The following NYAP2 variants were observed in gnomAD, a reference collection of about 807,000 sequenced individuals.
NYAP2 encodes the protein neuronal tyrosine-phosphorylated phosphoinositide-3-kinase adaptor 2, also known as neuronal tyrosine-phosphorylated phosphoinositide-3-kinase adapter 2.
Under a neutral mutation model 50.4 loss-of-function variants are expected in NYAP2, and 23 were observed. That is an observed-to-expected ratio of 0.46 (90% CI 0.33 to 0.65). The LOEUF is 0.65. NYAP2 is among the 30% of genes least tolerant of loss of function. The pLI, the probability that NYAP2 is intolerant of heterozygous loss-of-function variation, is 0.02. For synonymous variants in NYAP2, 394 were observed against 365.2 expected (o/e 1.08, Z -0.90); for missense variants, 885 against 861.0 (o/e 1.03, Z -0.35).
intron 5 of NYAP2, among the ~76,000 whole-genome samples, chr2:225,612,823 C>CATCACACCCAATGTGTGTGATGAA: frequency 1.3e-5 from 2 of 151,884 alleles, no homozygotes; most frequent in African/African-American, 2.4e-5. Context: ...TGTGTGATGA[C>CATCACACCCAATGTGTGTGATGAA]ATCACACCCA....
chr2:225,538,206 G>C (rs1359195088), intron 4 of NYAP2, among the ~76,000 whole-genome samples: 1 of 152,198 alleles, frequency 6.6e-6, no homozygotes, highest in East Asian at 1.9e-4. Context: ...GATGGTGGCT[G>C]TCTTCTCACA....
At chr2:225,484,643 C>T (rs1330525195) in intron 3 of NYAP2, among the ~76,000 whole-genome samples, 1 of 152,256 alleles carries the variant, frequency 6.6e-6, no homozygotes, top group Non-Finnish European at 1.5e-5. Context: ...TTCTACTCTA[C>T]TGTAAGCCTC....
chr2:225,685,539 A>G, the NYAP2 span, among the ~76,000 whole-genome samples: 1 of 152,164 alleles, frequency 6.6e-6, no homozygotes, highest in Non-Finnish European at 1.5e-5. Flanking sequence ...CAATTAGCTT[A>G]ATCAATTAAT....
the NYAP2 span, chr2:225,699,247 G>T: frequency 6.6e-6 from 1 of 151,904 alleles, no homozygotes; most frequent in African/African-American, 2.4e-5. Context: ...CTAAGCAATG[G>T]TTAGTCAGAC....
intron 6 of NYAP2, among the ~76,000 whole-genome samples, chr2:225,648,264 G>A (rs1454532334): frequency 6.6e-6 from 1 of 152,156 alleles, no homozygotes; most frequent in African/African-American, 2.4e-5. Context: ...GCCTCCCAAA[G>A]TGCTGGGTTA....
At chr2:225,489,499 C>T (rs1479260877) in intron 3 of NYAP2, among the ~76,000 whole-genome samples, 1 of 152,020 alleles carries the variant, frequency 6.6e-6, no homozygotes, top group Non-Finnish European at 1.5e-5. Context: ...TGCCCGGTCT[C>T]CCCTTTTTCT....
At chr2:225,461,569 A>G (rs751089417) in intron 3 of NYAP2, among the ~76,000 whole-genome samples, 6 of 152,174 alleles carry the variant, frequency 3.9e-5, no homozygotes, top group Non-Finnish European at 8.8e-5. Flanking sequence ...ACCTTTCATC[A>G]TTGGTCTTCA....
At chr2:225,443,471 C>T (rs1574617488) in intron 3 of NYAP2, among the ~76,000 whole-genome samples, 1 of 152,206 alleles carries the variant, frequency 6.6e-6, no homozygotes, top group East Asian at 1.9e-4. Context: ...CATTCTAATG[C>T]TGATATAAAC....
chr2:225,486,687 G>A (rs1358565312), intron 3 of NYAP2, among the ~76,000 whole-genome samples: 1 of 152,122 alleles, frequency 6.6e-6, no homozygotes, highest in African/African-American at 2.4e-5. Flanking sequence ...ATTTTATAAT[G>A]CAGAATAAGA....
At chr2:225,701,386 C>T in the NYAP2 span, 1 of 151,692 alleles carries the variant, frequency 6.6e-6, no homozygotes. Context: ...AGAGCTCATA[C>T]TTATGAAAAA....
intron 5 of NYAP2, among the ~76,000 whole-genome samples, chr2:225,605,979 G>A (rs1835531): frequency 2.4e-4 from 36 of 152,206 alleles, no homozygotes; most frequent in African/African-American, 8.4e-4. Context: ...CTTAATCCTG[G>A]TTTTAATTGT....
chr2:225,444,738 C>G (rs1689525385), intron 3 of NYAP2, among the ~76,000 whole-genome samples: 2 of 152,158 alleles, frequency 1.3e-5, no homozygotes, highest in Non-Finnish European at 2.9e-5. Context: ...CATTACTTTC[C>G]TCACCATTTG....
At chr2:225,565,473 A>T (rs1324297333) in intron 4 of NYAP2, among the ~76,000 whole-genome samples, 1 of 152,196 alleles carries the variant, frequency 6.6e-6, no homozygotes, top group African/African-American at 2.4e-5. Context: ...ATCTGTATTT[A>T]TTGGCAAAAT....
chr2:225,412,405 T>G (rs1394361595), intron 3 of NYAP2, among the ~76,000 whole-genome samples: 1 of 151,748 alleles, frequency 6.6e-6, no homozygotes, highest in African/African-American at 2.4e-5. Context: ...TGTTAGAGTG[T>G]CCTTGAGTGG....
At position 225,448,748 on chromosome 2, in the gene NYAP2, A is replaced by T. The variant is rs1241514440; in HGVS notation, c.221+39647A>T. Among the ~76,000 whole-genome samples the T allele has an allele frequency of 3.9e-5, 6 of 152,198 alleles. No individual in the cohort carries two copies. The East Asian group carries it at 1.2e-3, about 29-fold the overall frequency. ...TATTTAGAAGCACTGAACGGTGACA[A>T]GCCATTGTCTTTGTCATGCTCCAGA... On this transcript the variant is annotated intron_variant, in intron 3 of 6. Coordinates refer to ENST00000636099, the Ensembl canonical transcript of NYAP2.
chr2:225,555,302 T>A (rs1253479649), intron 4 of NYAP2, among the ~76,000 whole-genome samples: 2 of 152,228 alleles, frequency 1.3e-5, no homozygotes, highest in Admixed American at 1.3e-4. Flanking sequence ...GTTGGGTTTT[T>A]GCTTTATTTC....
intron 3 of NYAP2, among the ~76,000 whole-genome samples, chr2:225,420,805 C>T (rs1207383945): frequency 6.6e-6 from 1 of 151,814 alleles, no homozygotes; most frequent in Non-Finnish European, 1.5e-5. Flanking sequence ...TCATATAGTA[C>T]TTGATACAGT....
At chr2:225,537,431 C>T (rs538682946) in intron 4 of NYAP2, among the ~76,000 whole-genome samples, 10 of 152,010 alleles carry the variant, frequency 6.6e-5, no homozygotes, top group Non-Finnish European at 1.5e-4. Context: ...GCTGGGGAGG[C>T]CTCACACCAT....
chr2:225,561,862 G>A (rs1209985735), intron 4 of NYAP2, among the ~76,000 whole-genome samples: 2 of 151,844 alleles, frequency 1.3e-5, no homozygotes, highest in African/African-American at 4.8e-5. Flanking sequence ...GTGCTCATCT[G>A]GATGGGGTCC....
Sources: gnomAD v4.1 joint callset for allele counts (sites outside exome capture counted in the v4.1 genomes callset) on GRCh38, gnomAD v4.1.1 for gene constraint, MANE v1.5 for transcripts, NCBI Gene and HGNC (gene_info 2026-07-23, HGNC 2026-07-21) for gene names.